The following GABRA3 variants were observed in gnomAD, a reference collection of about 807,000 sequenced individuals.
GABRA3 encodes the protein gamma-aminobutyric acid receptor subunit alpha-3.
GABRA3 carries 10 observed loss-of-function variants against 30.1 expected under a neutral mutation model. The ratio of observed to expected loss-of-function variants is 0.33; its 90% CI spans 0.20 to 0.56. The LOEUF (loss-of-function observed/expected upper bound fraction) is 0.56. Ranked by LOEUF, GABRA3 falls within the 20% of genes least tolerant of loss-of-function variation. GABRA3 has a pLI of 0.89. For synonymous variants in GABRA3, 151 were observed against 146.8 expected, an observed-to-expected ratio of 1.03 and a Z score of -0.21; for missense variants, 233 against 392.0, an observed-to-expected ratio of 0.59 and a Z score of 3.42.
At chrX:152,223,094 T>G (rs1043462410) in intron 6 of GABRA3, among the ~76,000 whole-genome samples, 5 of 111,750 alleles carry the variant, frequency 4.5e-5, no homozygotes, top group Non-Finnish European at 7.5e-5. Flanking sequence ...ATGAGCCCTA[T>G]GCCCAGCAAG....
At chrX:152,360,722 AAATTAAAAAAAAAAATTAAAAAAAAAAAT>A (rs1372379654) in intron 2 of GABRA3, among the ~76,000 whole-genome samples, 65 of 80,028 alleles carry the variant, frequency 8.1e-4, no homozygotes, top group Admixed American at 2.4e-3. Flanking sequence ...TAAAAAAAAA[AAATTAAAAAAAAAAATTAAAAAAAAAAAT>A]AAATTAAAAA....
At chrX:152,241,693 G>C (rs1329039437) in intron 5 of GABRA3, among the ~76,000 whole-genome samples, 1 of 109,418 alleles carries the variant, frequency 9.1e-6, no homozygotes, top group Non-Finnish European at 1.9e-5. Context: ...CCAGGTGTGG[G>C]ATATAGTCTC....
chrX:152,271,350 T>G (rs1007103659), intron 4 of GABRA3, among the ~76,000 whole-genome samples: 5 of 111,845 alleles, frequency 4.5e-5, no homozygotes, highest in African/African-American at 1.6e-4. Flanking sequence ...CAGATGGGGT[T>G]GAGAAACTTG....
chrX:152,445,950 T>C (rs1044423072), intron 1 of GABRA3, among the ~76,000 whole-genome samples: 2 of 111,650 alleles, frequency 1.8e-5, no homozygotes, highest in African/African-American at 6.5e-5. Flanking sequence ...ATAGAGAGAG[T>C]TGGAGGACCT....
Position 152,168,458 on chromosome X carries a change from A to C in GABRA3, c.1249T>G (p.Ser417Ala), listed in dbSNP as rs200491744. 1 of 1,211,412 alleles carries C rather than the reference A, an allele frequency of 8.3e-7. No homozygotes were observed. Among genetic ancestry groups the C allele is most frequent in the Non-Finnish European group, 1.1e-6 (1 of 895,217 alleles). ...GAGGCACTGGGAGCAGCGCCCTTGG[A>C]GATGGTGGAAAATTCAGTGTCCTTG... ...LAKDTEFSTI[S>A]KGAAPSASST... Residue 417 changes from serine to alanine, a missense_variant, in exon 10 of 10, where the codon TCC becomes GCC. Coordinates refer to ENST00000370314, the MANE Select transcript of GABRA3 (RefSeq NM_000808.4).
intron 1 of GABRA3, among the ~76,000 whole-genome samples, chrX:152,441,731 G>C (rs144713823): frequency 1.3e-3 from 147 of 111,656 alleles, no homozygotes; most frequent in African/African-American, 4.7e-3. Context: ...GGAGTTTGCG[G>C]TCTAAACTAG....
At chrX:152,211,496 G>C (rs1476902384) in intron 6 of GABRA3, among the ~76,000 whole-genome samples, 1 of 111,488 alleles carries the variant, frequency 9.0e-6, no homozygotes, top group Admixed American at 9.6e-5. Context: ...ATAAGATAGA[G>C]GGCAAAGCAG....
chrX:152,429,640 T>C (rs1382396036), intron 1 of GABRA3, among the ~76,000 whole-genome samples: 1 of 111,821 alleles, frequency 8.9e-6, no homozygotes, highest in Non-Finnish European at 1.9e-5. Flanking sequence ...TAAAAATAGT[T>C]GTTTTGTCAT....
At chrX:152,222,675 A>T (rs1418739052) in intron 6 of GABRA3, among the ~76,000 whole-genome samples, 1 of 110,276 alleles carries the variant, frequency 9.1e-6, no homozygotes, top group Non-Finnish European at 1.9e-5. Flanking sequence ...TTTCAAAGAG[A>T]AGTATCTTTT....
chrX:152,401,133 G>T (rs1436316902), intron 1 of GABRA3, among the ~76,000 whole-genome samples: 1 of 111,057 alleles, frequency 9.0e-6, no homozygotes, highest in Non-Finnish European at 1.9e-5. Context: ...GATATAAAAC[G>T]TGTGTTTTTT....
At chrX:152,412,686 G>A (rs1206663693) in intron 1 of GABRA3, among the ~76,000 whole-genome samples, 1 of 110,763 alleles carries the variant, frequency 9.0e-6, no homozygotes, top group East Asian at 2.8e-4. Flanking sequence ...GAAGATTAGC[G>A]TTCATGAGGG....
chrX:152,388,458 C>T (rs780082943), intron 1 of GABRA3, among the ~76,000 whole-genome samples: 3 of 111,711 alleles, frequency 2.7e-5, no homozygotes, highest in Non-Finnish European at 5.6e-5. Flanking sequence ...TCTCACCCTG[C>T]ATGTGTTCAG....
chrX:152,273,241 G>C (rs377057556), intron 4 of GABRA3, among the ~76,000 whole-genome samples: 1 of 112,269 alleles, frequency 8.9e-6, no homozygotes, highest in African/African-American at 3.2e-5. Context: ...CAACGAGATA[G>C]CACCTCATCT....
intron 3 of GABRA3, among the ~76,000 whole-genome samples, chrX:152,286,686 A>G (rs1776940282): frequency 9.0e-6 from 1 of 111,524 alleles, no homozygotes; most frequent in African/African-American, 3.3e-5. Context: ...GGCTTAATAT[A>G]TTGTGCCCCT....
intron 9 of GABRA3, among the ~76,000 whole-genome samples, chrX:152,170,885 T>G (rs771299544): frequency 2.1e-4 from 23 of 111,927 alleles, no homozygotes; most frequent in African/African-American, 7.1e-4. Context: ...TCTTTCTCCC[T>G]GGGGATTGCA....
chrX:152,186,599 A>G (rs1321972961), intron 9 of GABRA3, among the ~76,000 whole-genome samples: 2 of 96,309 alleles, frequency 2.1e-5, no homozygotes, highest in East Asian at 6.5e-4. Flanking sequence ...TCCTTCCTTT[A>G]TCTCTCTCTC....
At chrX:152,381,593 C>G in intron 1 of GABRA3, among the ~76,000 whole-genome samples, 1 of 111,250 alleles carries the variant, frequency 9.0e-6, no homozygotes, top group Non-Finnish European at 1.9e-5. Flanking sequence ...TTCTGAGGTA[C>G]ATGTGCAGAA....
chrX:152,219,965 A>T (rs1400368940), intron 6 of GABRA3, among the ~76,000 whole-genome samples: 8 of 111,190 alleles, frequency 7.2e-5, no homozygotes, highest in African/African-American at 2.6e-4. Flanking sequence ...AAGAAATTCA[A>T]ATGTTGTTAT....
chrX:152,221,330 GTC>G (rs1426483869), intron 6 of GABRA3, among the ~76,000 whole-genome samples: 1 of 109,009 alleles, frequency 9.2e-6, no homozygotes, highest in African/African-American at 3.4e-5. Flanking sequence ...CTCTCTCTCT[GTC>G]TCTCTCTCTC....
Sources: allele counts gnomAD v4.1 joint callset (sites outside exome capture counted in the v4.1 genomes callset), GRCh38; gene constraint gnomAD v4.1.1; transcripts MANE v1.5; gene names NCBI Gene and HGNC (gene_info 2026-07-23, HGNC 2026-07-21).